GALP: variants seen among roughly 807,000 people sequenced by gnomAD.
The protein encoded by GALP is galanin-like peptide.
A neutral mutation model predicts 15.2 loss-of-function variants in GALP; 12 were observed. That is an observed-to-expected ratio of 0.79 (90% confidence interval 0.51 to 1.28). The LOEUF (loss-of-function observed/expected upper bound fraction) is 1.28. GALP is among the 50% of genes most tolerant of loss of function. The pLI, the probability that GALP is intolerant of heterozygous loss-of-function variation, is 0.00. For synonymous variants in GALP, 58 were observed against 55.1 expected, an observed-to-expected ratio of 1.05 and a Z score of -0.23; for missense variants, 161 against 145.6, an observed-to-expected ratio of 1.11 and a Z score of -0.55.
At chr19:56,180,348 C>T (rs1055679467) in intron 2 of GALP, among the ~76,000 whole-genome samples, 2 of 152,206 alleles carry the variant, frequency 1.3e-5, no homozygotes, top group Admixed American at 6.5e-5. Flanking sequence ...CTCCTTCCCC[C>T]CAGCCCCCAA....
intron 2 of GALP, among the ~76,000 whole-genome samples, chr19:56,180,148 A>C (rs561081383): frequency 6.6e-6 from 1 of 152,318 alleles, no homozygotes; most frequent in Admixed American, 6.5e-5. Context: ...CCTGTTCTCA[A>C]GCCATCCTTC....
intron 2 of GALP, 139 bp downstream of exon 2, chr19:56,177,334 T>G: frequency 1.7e-5 from 12 of 701,644 alleles, no homozygotes; most frequent in Non-Finnish European, 1.9e-5. Context: ...AGAAGAAATA[T>G]TGCGTGTCTC....
chr19:56,179,198 A>T (rs1166218734), intron 2 of GALP, among the ~76,000 whole-genome samples: 1 of 152,064 alleles, frequency 6.6e-6, no homozygotes, highest in Non-Finnish European at 1.5e-5. Flanking sequence ...TAAATAAATA[A>T]ATAAATAAAG....
At position 56,183,178 on chromosome 19, in the gene GALP, T is replaced by A; in HGVS notation, c.261T>A (p.Asn87Lys). The change falls in exon 5 of 6, where the codon AAT (asparagine) becomes AAA (lysine). Residue 87 changes from asparagine (N) to lysine (K), a missense_variant. Asn to Lys is a moderately conservative substitution (Grantham distance 94, BLOSUM62 0). Transcript: ENST00000357330. ...ACCCTCCACAGCCCTCCAAGAGGAA[T>A]GTGATGGAGACGTTTGCCAAACCAG... ...YSHPPQPSKR[N>K]VMETFAKPEI... 2 of 1,613,782 alleles carry A rather than the reference T, an allele frequency of 1.2e-6. No homozygotes were observed. The highest frequency in any genetic ancestry group is 1.7e-6 in the Non-Finnish European group (2 of 1,179,866).
intron 2 of GALP, 135 bp from the exon 3 acceptor site, chr19:56,180,451 T>C: frequency 1.4e-6 from 1 of 715,228 alleles, no homozygotes; most frequent in Non-Finnish European, 2.5e-6. Context: ...TCCTCATCGG[T>C]GCAATGGGGA....
At position 56,182,266 on chromosome 19, in the gene GALP, G is replaced by C. The variant is rs374359432; in HGVS notation, c.217+14G>C. 2 of 1,596,632 alleles carry C rather than the reference G, an allele frequency of 1.3e-6. No homozygotes were observed. Among genetic ancestry groups the C allele is most frequent in the African/African-American group, 1.3e-5 (1 of 74,522 alleles). ...GGAAGGCCATCGGTGAGTGAGCGGG[G>C]AGTTAGACGTCTTCTCCTGCGTCCT... On this transcript the variant is annotated intron_variant, in intron 4 of 5. Coordinates refer to ENST00000357330, the MANE Select transcript of GALP (RefSeq NM_033106.4).
intron 3 of GALP, among the ~76,000 whole-genome samples, chr19:56,180,911 CTTTCTTTTTTTTTTTTT>C (rs2032555507): frequency 1.1e-5 from 1 of 90,668 alleles, no homozygotes; most frequent in Non-Finnish European, 2.0e-5. Flanking sequence ...TTCTTTCTTT[CTTTCTTTTTTTTTTTTT>C]TTTTTTTTTG....
In GALP at chr19:56,177,153, G is replaced by C. The variant is rs752431508; in HGVS notation, c.45G>C (p.Leu15Phe). ...CCCTGGTCCTCCTCCTCGTCCTCTTGCTGAGCCTGGCAGAGACTCCAGCAT... is the reference window on the plus strand; with the variant it reads ...CCCTGGTCCTCCTCCTCGTCCTCTTCCTGAGCCTGGCAGAGACTCCAGCAT... ...SVPLVLLLVLLLSLAETPASA... is the reference protein window; with the variant it reads ...SVPLVLLLVLFLSLAETPASA... Residue 15 changes from leucine to phenylalanine, a missense_variant, in exon 2 of 6, where the codon TTG (leucine) becomes TTC (phenylalanine). Transcript: ENST00000357330. 1.2e-6 allele frequency: 2 copies of C among 1,613,562 alleles called. No individual in the cohort carries two copies. Among genetic ancestry groups the C allele is most frequent in the Non-Finnish European group, 1.7e-6 (2 of 1,179,896 alleles).
intron 5 of GALP, among the ~76,000 whole-genome samples, chr19:56,184,196 T>A (rs2032615936): frequency 6.6e-6 from 1 of 152,168 alleles, no homozygotes; most frequent in Admixed American, 6.5e-5. Context: ...TCTCAGGTGA[T>A]CTGCCCGCCT....
intron 3 of GALP, among the ~76,000 whole-genome samples, chr19:56,180,907 CTTTCTTTCTTT>C (rs893250315): frequency 1.2e-5 from 1 of 83,722 alleles, no homozygotes; most frequent in Non-Finnish European, 2.2e-5. Flanking sequence ...TTCTTTCTTT[CTTTCTTTCTTT>C]TTTTTTTTTT....
intron 5 of GALP, among the ~76,000 whole-genome samples, chr19:56,184,484 C>CTT (rs11414322): frequency 0.044 from 5,233 of 117,620 alleles, 490 homozygotes; most frequent in African/African-American, 0.14. Flanking sequence ...TTTTCTTTTT[C>CTT]TTTTTTTTTT....
At chr19:56,184,278 G>A (rs916514924) in intron 5 of GALP, among the ~76,000 whole-genome samples, 5 of 151,958 alleles carry the variant, frequency 3.3e-5, no homozygotes, top group African/African-American at 9.7e-5. Flanking sequence ...TCACTGCCTA[G>A]CACAATGCAT....
Position 56,177,082 on chromosome 19 carries a change from C to CTT in GALP, c.-26_-25insTT. 1 of 1,578,946 alleles carries CTT rather than the reference C, an allele frequency of 6.3e-7. No homozygotes were observed. Among genetic ancestry groups the CTT allele is most frequent in the Non-Finnish European group, 8.7e-7 (1 of 1,151,954 alleles). On this transcript the variant is annotated 5_prime_UTR_variant, in exon 2 of 6. Coordinates refer to ENST00000357330, the MANE Select transcript of GALP (RefSeq NM_033106.4). ...TCTCTCCTTGCAGCGTGTTCCGCAG[C>CTT]TGTAGGCACCTGTCGTCCTGCCTTC...
At chr19:56,183,432 T>C (rs542828152) in intron 5 of GALP, among the ~76,000 whole-genome samples, 6 of 152,248 alleles carry the variant, frequency 3.9e-5, no homozygotes, top group African/African-American at 1.4e-4. Flanking sequence ...TCACTGCGAA[T>C]CCCACCTCAT....
Position 56,180,634 on chromosome 19 carries a change from GGTGA to G in GALP, c.136+6_136+9del. ...TAGTGCTGGCTACCTTCTGGGTCCC[GGTGA>G]GTGAGGCTGCGCTCAGCTCTCCATC... is the stretch of plus-strand genomic sequence containing the variant. On this transcript the variant is annotated splice_donor_variant and splice_donor_region_variant and intron_variant, in intron 3 of 5. Transcript: ENST00000357330. LOFTEE classifies it high-confidence loss of function. 6.2e-7 allele frequency: 1 copy of G among 1,613,392 alleles called. No individual in the cohort carries two copies. Among genetic ancestry groups the G allele is most frequent in the East Asian group, 2.2e-5 (1 of 44,852 alleles).
In GALP at chr19:56,185,346, A is replaced by T. The variant is rs1289756914; in HGVS notation, c.*76A>T. On this transcript the variant is annotated 3_prime_UTR_variant, in exon 6 of 6. Transcript: ENST00000357330. ...CTCTGAAACCTTTTCTAGGTACCCTATGCTGAGACTAAGATCCTGAAGTTA... is the reference window on the plus strand; with the variant it reads ...CTCTGAAACCTTTTCTAGGTACCCTTTGCTGAGACTAAGATCCTGAAGTTA... 1 of 812,158 alleles carries T rather than the reference A, an allele frequency of 1.2e-6. No homozygotes were observed. The highest frequency in any genetic ancestry group is 2.6e-5 in the East Asian group (1 of 38,526). The allele number at this position is 812,158 out of a possible 1,614,324, so 50.3% of individuals were successfully genotyped here.
chr19:56,181,837 G>A (rs1184718589), intron 3 of GALP, among the ~76,000 whole-genome samples: 1 of 152,156 alleles, frequency 6.6e-6, no homozygotes, highest in Non-Finnish European at 1.5e-5. Flanking sequence ...GATTCCCGTG[G>A]TGCTCAAGGT....
intron 2 of GALP, among the ~76,000 whole-genome samples, chr19:56,178,085 A>T (rs1370095299): frequency 6.6e-6 from 1 of 151,778 alleles, no homozygotes; most frequent in Non-Finnish European, 1.5e-5. Flanking sequence ...AATTACCTTG[A>T]TGGAGTCACT....
chr19:56,179,094 T>C (rs1225771747), intron 2 of GALP, among the ~76,000 whole-genome samples: 4 of 151,588 alleles, frequency 2.6e-5, no homozygotes, highest in African/African-American at 7.3e-5. Context: ...GGAGAATCGC[T>C]TGAATCCAGG....
Sources: allele counts gnomAD v4.1 joint callset (sites outside exome capture counted in the v4.1 genomes callset), GRCh38; gene constraint gnomAD v4.1.1; transcripts MANE v1.5; gene names NCBI Gene and HGNC (gene_info 2026-07-23, HGNC 2026-07-21).